Variants in SLC5A10 observed in about 807,000 individuals in gnomAD.
SLC5A10 encodes the protein solute carrier family 5 member 10, also known as sodium/mannose cotransporter SLC5A10.
SLC5A10 carries 55 observed loss-of-function variants against 68.9 expected under a neutral mutation model. The observed-to-expected ratio is 0.80, with a 90% CI of 0.64 to 1.00. The LOEUF (loss-of-function observed/expected upper bound fraction) is 1.00. Ranked by LOEUF, SLC5A10 falls within the 50% of genes least tolerant of loss-of-function variation. The pLI is 0.00. For synonymous variants in SLC5A10, 344 were observed against 344.8 expected, an observed-to-expected ratio of 1.00 and a Z score of 0.02; for missense variants, 732 against 819.3, an observed-to-expected ratio of 0.89 and a Z score of 1.30.
Position 19,004,142 on chromosome 17 carries a change from G to A in SLC5A10, c.983-9268G>A, listed in dbSNP as rs1421970381. ...ACCGCGCGCTCGGGGGCCTCTCCGC[G>A]GCCTCTGCTTCTCTGCCCATGAGCA... On this transcript the variant is annotated intron_variant, in intron 9 of 14. Transcript: ENST00000395645. This position sits in a 1 kb window ranked among gnomAD's most constrained non-coding sequence, Gnocchi z 5.4. The A allele has an allele frequency of 8.4e-7, 1 of 1,188,964 alleles. No individual in the cohort carries two copies. The highest frequency in any genetic ancestry group is 1.5e-5 in the African/African-American group (1 of 64,852). The allele number at this position is 1,188,964 out of a possible 1,614,324, so 73.7% of individuals were successfully genotyped here. A position where few individuals can be genotyped will look rare whatever the true frequency, so the allele number is the denominator to read the frequency against.
In SLC5A10 at chr17:19,004,292, G is replaced by T; in HGVS notation, c.983-9118G>T. The T allele has an allele frequency of 2.1e-6, 1 of 483,164 alleles. No individual in the cohort carries two copies. The allele number at this position is 483,164 out of a possible 1,614,324, so 29.9% of individuals were successfully genotyped here. A position where few individuals can be genotyped will look rare whatever the true frequency, so the allele number is the denominator to read the frequency against. On this transcript the variant is annotated intron_variant, in intron 9 of 14. Transcript: ENST00000395645. This position sits in a 1 kb window ranked among gnomAD's most constrained non-coding sequence, Gnocchi z 5.4. ...AGGACGGGGCTGGGGCTGGGGCTGGGAAGATGAGGTGGGGGCACTGGACTG... is the reference window on the plus strand; with the variant it reads ...AGGACGGGGCTGGGGCTGGGGCTGGTAAGATGAGGTGGGGGCACTGGACTG...
rs138419984 is a variant in SLC5A10, at chr17:18,985,555, C to T, written c.982+8566C>T. 1.1e-4 allele frequency among the ~76,000 whole-genome samples: 16 copies of T among 152,222 alleles called. No homozygotes were observed. The East Asian group carries it at 1.5e-3, about 15-fold the overall frequency. On this transcript the variant is annotated intron_variant, in intron 9 of 14. Transcript: ENST00000395645. ...GAAGTGCTCCCGGGACAGGTCTGGG[C>T]CCAGCTAGCTCAAGGTGAGGGAGGT...
chr17:18,960,215 T>C (rs1232708239), intron 4 of SLC5A10, among the ~76,000 whole-genome samples: 1 of 152,180 alleles, frequency 6.6e-6, no homozygotes, highest in Non-Finnish European at 1.5e-5. Flanking sequence ...AGCCTCATCA[T>C]AGTGCACCTG....
At chr17:18,957,450 T>G (rs2472691) in intron 1 of SLC5A10, among the ~76,000 whole-genome samples, 59,878 of 151,678 alleles carry the variant, frequency 0.39, 14,186 homozygotes, top group Non-Finnish European at 0.54. Context: ...TTCATCATTT[T>G]AACCATTTTA....
At chr17:18,988,116 C>T (rs2043315758) in intron 9 of SLC5A10, 2 of 1,374,844 alleles carry the variant, frequency 1.5e-6, no homozygotes, top group Middle Eastern at 5.3e-4. Flanking sequence ...TGGCAGGAGG[C>T]TCTAGGATTA....
At position 18,952,322 on chromosome 17, in the gene SLC5A10, G is replaced by A. The variant is rs1317361452; in HGVS notation, c.111+6G>A. The A allele has an allele frequency of 1.2e-6, 2 of 1,609,304 alleles. No homozygotes were observed. Among genetic ancestry groups the A allele is most frequent in the East Asian group, 2.2e-5 (1 of 44,596 alleles). ...ATGTGGCCGTGGGCATATGGGTAAGGGGACCTGTGGTGGTGTTGGCCAAGT... is the reference window on the plus strand; with the variant it reads ...ATGTGGCCGTGGGCATATGGGTAAGAGGACCTGTGGTGGTGTTGGCCAAGT... On this transcript the variant is annotated splice_donor_region_variant and intron_variant, in intron 1 of 14. Transcript: ENST00000395645.
chr17:19,016,440 C>T (rs574976926), intron 11 of SLC5A10, among the ~76,000 whole-genome samples: 1 of 152,250 alleles, frequency 6.6e-6, no homozygotes, highest in Non-Finnish European at 1.5e-5. Flanking sequence ...TCTTGTTGTC[C>T]TCTGAGCAGT....
chr17:18,978,156 C>CG, intron 9 of SLC5A10: 1 of 1,530,564 alleles, frequency 6.5e-7, no homozygotes, highest in Non-Finnish European at 8.8e-7. Flanking sequence ...GGCTTGGGCA[C>CG]GGGGGGCAAT....
intron 5 of SLC5A10, among the ~76,000 whole-genome samples, chr17:18,964,486 G>A (rs1017578244): frequency 6.6e-6 from 1 of 152,230 alleles, no homozygotes; most frequent in African/African-American, 2.4e-5. Context: ...CAGGCCCTGG[G>A]TGAGCCCCCC....
chr17:19,016,261 G>A (rs2044137597), intron 11 of SLC5A10, among the ~76,000 whole-genome samples: 3 of 152,110 alleles, frequency 2.0e-5, no homozygotes, highest in Admixed American at 2.0e-4. Context: ...GGCCAGGCTG[G>A]TCTCGAACTC....
At chr17:18,985,054 C>CAGGA (rs1351184406) in intron 9 of SLC5A10, among the ~76,000 whole-genome samples, 2 of 152,292 alleles carry the variant, frequency 1.3e-5, no homozygotes, top group East Asian at 3.9e-4. Context: ...GCTCCAAGCT[C>CAGGA]AGGAGGAAGG....
In SLC5A10 at chr17:19,022,134, GC is replaced by G. The variant is rs751738129; in HGVS notation, c.*1707del. ...GTCAAACTGGGCCTGGGCAAAGCAGGCCCCAGGTGACTGCAAGAAGAGGAGG... is the reference window on the plus strand; with the variant it reads ...GTCAAACTGGGCCTGGGCAAAGCAGGCCCAGGTGACTGCAAGAAGAGGAGG... On this transcript the variant is annotated 3_prime_UTR_variant, in exon 15 of 15. Transcript: ENST00000395645. 8 of 1,496,198 alleles carry G rather than the reference GC, an allele frequency of 5.3e-6. No homozygotes were observed. In the South Asian group the frequency reaches 6.6e-5, roughly 12 times the overall value. The allele number at this position is 1,496,198 out of a possible 1,614,324, so 92.7% of individuals were successfully genotyped here. A position where few individuals can be genotyped will look rare whatever the true frequency, so the allele number is the denominator to read the frequency against.
chr17:19,017,552 G>C lies in SLC5A10; in HGVS notation c.1242-1871G>C, dbSNP rs537399296. Reference sequence around the variant, plus strand: ...GCTCTGTCCAGCTGAGCAGAGGCTGGAGGAGCCGTCACAGGCTGGGGGAGA... The same window carrying C: ...GCTCTGTCCAGCTGAGCAGAGGCTGCAGGAGCCGTCACAGGCTGGGGGAGA... On this transcript the variant is annotated intron_variant, in intron 11 of 14. Coordinates refer to ENST00000395645, the MANE Select transcript of SLC5A10 (RefSeq NM_001042450.4). This position sits in a 1 kb window ranked among gnomAD's most constrained non-coding sequence, Gnocchi z 5.6. 57 of 681,222 alleles carry C rather than the reference G, an allele frequency of 8.4e-5. No homozygotes were observed. In the African/African-American group the frequency reaches 9.5e-4, roughly 11 times the overall value. 42.2% of individuals were successfully genotyped at this position (681,222 alleles called of 1,614,324 possible).
intron 3 of SLC5A10, 56 bp downstream of exon 3, chr17:18,959,295 C>CAGCA: frequency 6.4e-7 from 1 of 1,560,524 alleles, no homozygotes; most frequent in African/African-American, 1.4e-5. Context: ...GATGTGGTCG[C>CAGCA]AGCACTGGAG....
rs766718766 is a variant in SLC5A10 at position 19,003,735 on chromosome 17, C to G, written c.983-9675C>G. ...GCCTCGATGGGGACCCCATCCGCCC[C>G]GCTGGCTTCCTCGCCGTCGCCGACC... On this transcript the variant is annotated intron_variant, in intron 9 of 14. Transcript: ENST00000395645. The surrounding 1 kb of genome is among the most constrained non-coding windows in gnomAD (Gnocchi z 4.5). 1 of 1,604,974 alleles carries G rather than the reference C, an allele frequency of 6.2e-7. No homozygotes were observed. Among genetic ancestry groups the G allele is most frequent in the Non-Finnish European group, 8.5e-7 (1 of 1,175,786 alleles).
intron 9 of SLC5A10, among the ~76,000 whole-genome samples, chr17:19,007,991 A>C (rs1316975046): frequency 6.6e-6 from 1 of 152,238 alleles, no homozygotes; most frequent in Non-Finnish European, 1.5e-5. Flanking sequence ...TTGAAAGCAG[A>C]AATGTTACTT....
chr17:18,994,965 C>A (rs567349230), intron 9 of SLC5A10, among the ~76,000 whole-genome samples: 37 of 152,328 alleles, frequency 2.4e-4, no homozygotes, highest in African/African-American at 7.7e-4. Context: ...TGCTCTGGTC[C>A]TGCCTAATAA....
intron 9 of SLC5A10, chr17:18,986,452 C>T (rs1051075226): frequency 4.6e-5 from 7 of 152,168 alleles, no homozygotes; most frequent in East Asian, 1.9e-4. Context: ...CTAAATTGGT[C>T]GGAATTGCTT....
intron 5 of SLC5A10, among the ~76,000 whole-genome samples, chr17:18,965,899 G>T (rs115173271): frequency 6.6e-6 from 1 of 152,326 alleles, no homozygotes; most frequent in African/African-American, 2.4e-5. Flanking sequence ...CTTTGACAAA[G>T]TCATTTCACT....
Sources: gnomAD v4.1 joint callset for allele counts (sites outside exome capture counted in the v4.1 genomes callset) on GRCh38, gnomAD v4.1.1 for gene constraint, Gnocchi (gnomAD v3.1) non-coding constraint, MANE v1.5 for transcripts, NCBI Gene and HGNC (gene_info 2026-07-23, HGNC 2026-07-21) for gene names.